The following TMEM132C variants were observed in gnomAD, a reference collection of about 807,000 sequenced individuals.
TMEM132C encodes the protein protein phosphatase 1, regulatory subunit 152.
TMEM132C carries 29 observed loss-of-function variants against 61.4 expected under a neutral mutation model. That is an observed-to-expected ratio of 0.47 (90% CI 0.35 to 0.64). The LOEUF is 0.64. TMEM132C is among the 30% of genes least tolerant of loss of function. The probability of loss-of-function intolerance (pLI) is 0.00; values close to 1 mark genes in which losing one functional copy is unlikely to be tolerated. For missense variants in TMEM132C, 1,408 were observed against 1,476.9 expected (o/e 0.95, Z 0.76); for synonymous variants, 656 against 633.1 (o/e 1.04, Z -0.54).
intron 1 of TMEM132C, among the ~76,000 whole-genome samples, chr12:128,301,784 TAAAGACA>T (rs1429457778): frequency 1.3e-5 from 2 of 152,170 alleles, no homozygotes; most frequent in Non-Finnish European, 2.9e-5. Flanking sequence ...ACGCTGCTGA[TAAAGACA>T]TAGCTGAGAC....
Position 128,614,151 on chromosome 12 carries a change from G to A in TMEM132C, c.1122-2001G>A, listed in dbSNP as rs150556841. Among the ~76,000 whole-genome samples, 212 of 152,272 alleles carry A rather than the reference G, an allele frequency of 1.4e-3. 3 individuals carry two copies. Among genetic ancestry groups the A allele is most frequent in the African/African-American group, 5.0e-3 (208 of 41,546 alleles). ...CTCTTCCTTCTTGTTTCCACCAATA[G>A]CGGTTCTATTGATCAACAGCTCTAC... On this transcript the variant is annotated intron_variant, in intron 3 of 8. Coordinates refer to ENST00000435159, the MANE Select transcript of TMEM132C (RefSeq NM_001136103.3).
At chr12:128,485,640 CA>C (rs1049426132) in intron 2 of TMEM132C, among the ~76,000 whole-genome samples, 5 of 151,924 alleles carry the variant, frequency 3.3e-5, no homozygotes, top group African/African-American at 9.7e-5. Context: ...CAAAACACCC[CA>C]AAAAACACAG....
chr12:128,705,969 G>A lies in TMEM132C; in HGVS notation c.3001G>A (p.Gly1001Arg), dbSNP rs528438138. 8.6e-5 allele frequency: 134 copies of A among 1,551,618 alleles called. 1 individual carries two copies. In the East Asian group the frequency reaches 1.6e-3, roughly 18 times the overall value. ...QDEHTTIIDR[G>R]PGACEESNHL... ...CGAGCACACCACCATCATAGACCGC[G>A]GACCGGGGGCCTGCGAGGAGAGCAA... is the stretch of plus-strand genomic sequence containing the variant. Residue 1001 changes from glycine (G) to arginine (R), a missense_variant, in exon 9 of 9, where the codon GGA becomes AGA. Transcript: ENST00000435159.
intron 1 of TMEM132C, among the ~76,000 whole-genome samples, chr12:128,284,196 C>T (rs927127798): frequency 6.6e-6 from 1 of 152,182 alleles, no homozygotes; most frequent in African/African-American, 2.4e-5. Flanking sequence ...AACAAGTCTA[C>T]TCTTACATAT....
At chr12:128,506,732 TC>T (rs1872376728) in intron 2 of TMEM132C, among the ~76,000 whole-genome samples, 1 of 152,174 alleles carries the variant, frequency 6.6e-6, no homozygotes, top group Non-Finnish European at 1.5e-5. Flanking sequence ...CATGCTCCTG[TC>T]CTCACCACCA....
intron 1 of TMEM132C, among the ~76,000 whole-genome samples, chr12:128,374,597 G>A (rs571830322): frequency 6.6e-6 from 1 of 152,178 alleles, no homozygotes; most frequent in South Asian, 2.1e-4. Flanking sequence ...TTTATGCCAA[G>A]TGCTGTGTTA....
chr12:128,540,000 C>T (rs12810214), intron 2 of TMEM132C, among the ~76,000 whole-genome samples: 69,955 of 151,904 alleles, frequency 0.46, 18,728 homozygotes, highest in Non-Finnish European at 0.6. Flanking sequence ...CTGTTATTGA[C>T]ATATTGAACC....
At chr12:128,494,402 G>A (rs1310789833) in intron 2 of TMEM132C, among the ~76,000 whole-genome samples, 1 of 152,162 alleles carries the variant, frequency 6.6e-6, no homozygotes, top group Non-Finnish European at 1.5e-5. Flanking sequence ...CTATTGATTA[G>A]AATAGTTTCA....
chr12:128,387,888 G>A (rs555672557), intron 1 of TMEM132C, among the ~76,000 whole-genome samples: 2 of 152,226 alleles, frequency 1.3e-5, no homozygotes, highest in African/African-American at 2.4e-5. Flanking sequence ...CCGTGCAGGC[G>A]GGAGTCGCCC....
At chr12:128,300,275 G>A (rs1347732140) in intron 1 of TMEM132C, among the ~76,000 whole-genome samples, 3 of 152,158 alleles carry the variant, frequency 2.0e-5, no homozygotes, top group African/African-American at 7.2e-5. Flanking sequence ...TCCTCCTGGG[G>A]TTATTGCTGG....
intron 2 of TMEM132C, among the ~76,000 whole-genome samples, chr12:128,461,537 G>T (rs1593061908): frequency 6.6e-6 from 1 of 151,512 alleles, no homozygotes; most frequent in Admixed American, 6.6e-5. Context: ...AGTTTTTATT[G>T]TTCCTCATTT....
chr12:128,267,426 C>G lies in TMEM132C; in HGVS notation c.24C>G (p.Pro8=), dbSNP rs1383343644. The change falls in exon 1 of 9, where the codon CCC becomes CCG. Residue 8 remains proline (P), a synonymous_variant. Transcript: ENST00000435159. The part of the protein sequence containing the change: MRSEGAA[P]GPAAPLCGAL... ...GGATGCGCTCCGAGGGTGCGGCCCC[C>G]GGGCCGGCGGCGCCGCTGTGCGGGG... 8.1e-7 allele frequency: 1 copy of G among 1,238,268 alleles called. No homozygotes were observed. Among genetic ancestry groups the G allele is most frequent in the Admixed American group, 4.2e-5 (1 of 23,808 alleles). The allele number at this position is 1,238,268 out of a possible 1,614,324, so 76.7% of individuals were successfully genotyped here. A position where few individuals can be genotyped will look rare whatever the true frequency, so the allele number is the denominator to read the frequency against.
rs541465737 is a variant in TMEM132C at position 128,331,576 on chromosome 12, G to A, written c.85+64089G>A. Among the ~76,000 whole-genome samples, 7 of 152,240 alleles carry A rather than the reference G, an allele frequency of 4.6e-5. No individual in the cohort carries two copies. In the East Asian group the frequency reaches 1.4e-3, roughly 29 times the overall value. The stretch of plus-strand genomic sequence containing the variant: ...GATAATGTCCTCCAGTTCCATCCAT[G>A]TTGCTACATAAAGCATGATTTCATT... On this transcript the variant is annotated intron_variant, in intron 1 of 8. Coordinates refer to ENST00000435159, the MANE Select transcript of TMEM132C (RefSeq NM_001136103.3).
chr12:128,517,632 G>T (rs913257447), intron 2 of TMEM132C, among the ~76,000 whole-genome samples: 10 of 152,178 alleles, frequency 6.6e-5, no homozygotes, highest in African/African-American at 2.2e-4. Flanking sequence ...AGGTCTATGG[G>T]TGTTCACTGT....
rs1555224283 is a variant in TMEM132C at position 128,433,794 on chromosome 12, C to CTA, written c.974+18175_974+18176insAT. Among the ~76,000 whole-genome samples, 28 of 6,974 alleles carry CTA rather than the reference C, an allele frequency of 4.0e-3. 1 individual carries two copies. In the South Asian group the frequency reaches 0.082, roughly 21 times the overall value. 4.6% of individuals were successfully genotyped at this position (6,974 alleles called of 152,430 possible). On this transcript the variant is annotated intron_variant, in intron 2 of 8. Coordinates refer to ENST00000435159, the MANE Select transcript of TMEM132C (RefSeq NM_001136103.3). ...GAGCAAGCAAGATCTCAGAGTCCTCCTGGCTAGCATGGAAGGACAGTAGTG... is the reference window on the plus strand; with the variant it reads ...GAGCAAGCAAGATCTCAGAGTCCTCCTATGGCTAGCATGGAAGGACAGTAGTG...
At chr12:128,510,785 G>T (rs189316748) in intron 2 of TMEM132C, among the ~76,000 whole-genome samples, 120 of 152,340 alleles carry the variant, frequency 7.9e-4, no homozygotes, top group African/African-American at 2.7e-3. Flanking sequence ...TGCTGGGAGG[G>T]GAAGCACCTC....
intron 2 of TMEM132C, among the ~76,000 whole-genome samples, chr12:128,495,182 G>A (rs1871899394): frequency 1.3e-5 from 2 of 150,872 alleles, no homozygotes; most frequent in African/African-American, 4.9e-5. Context: ...CTGAGTTGTA[G>A]TTTGAGTGGT....
intron 1 of TMEM132C, among the ~76,000 whole-genome samples, chr12:128,375,739 C>T (rs981117354): frequency 6.6e-6 from 1 of 152,142 alleles, no homozygotes; most frequent in Non-Finnish European, 1.5e-5. Flanking sequence ...ACTATACTCC[C>T]TAAGGCATGA....
At chr12:128,544,637 A>G (rs1412744741) in intron 3 of TMEM132C, among the ~76,000 whole-genome samples, 1 of 106,240 alleles carries the variant, frequency 9.4e-6, no homozygotes, top group Non-Finnish European at 2.2e-5. Context: ...GGAAAGCACA[A>G]TTATAGCGGG....
Sources: gnomAD v4.1 joint callset for allele counts (sites outside exome capture counted in the v4.1 genomes callset) on GRCh38, gnomAD v4.1.1 for gene constraint, MANE v1.5 for transcripts, NCBI Gene and HGNC (gene_info 2026-07-23, HGNC 2026-07-21) for gene names.